The following VPS13B variants were observed in gnomAD, a reference collection of about 807,000 sequenced individuals.
The protein encoded by VPS13B is vacuolar protein sorting 13 homolog B.
A neutral mutation model predicts 426.4 loss-of-function variants in VPS13B; 285 were observed. That is an observed-to-expected ratio of 0.67 (90% confidence interval 0.61 to 0.74). The LOEUF (loss-of-function observed/expected upper bound fraction) is 0.74. Ranked by LOEUF, VPS13B falls within the 30% of genes least tolerant of loss-of-function variation. VPS13B has a pLI of 0.00. For synonymous variants in VPS13B, 1,676 were observed against 1,676.4 expected, an observed-to-expected ratio of 1.00 and a Z score of 0.01; for missense variants, 4,537 against 4,782.6, an observed-to-expected ratio of 0.95 and a Z score of 1.51.
chr8:99,626,379 A>G (rs1828613605), intron 33 of VPS13B, among the ~76,000 whole-genome samples: 1 of 152,216 alleles, frequency 6.6e-6, no homozygotes, highest in Admixed American at 6.5e-5. Flanking sequence ...TGAATTGTCT[A>G]CAATAAGCAA....
intron 40 of VPS13B, among the ~76,000 whole-genome samples, chr8:99,767,588 T>A (rs1207263031): frequency 6.7e-6 from 1 of 149,884 alleles, no homozygotes; most frequent in Non-Finnish European, 1.5e-5. Context: ...ATGGATTTTA[T>A]ACAGATAAAG....
At chr8:99,430,708 C>CCA (rs1209579217) in intron 21 of VPS13B, among the ~76,000 whole-genome samples, 2 of 151,298 alleles carry the variant, frequency 1.3e-5, no homozygotes. Context: ...ATCCACCCCC[C>CCA]CCCCAACTTT....
At chr8:99,088,959 C>T (rs1845993803) in intron 3 of VPS13B, among the ~76,000 whole-genome samples, 1 of 152,078 alleles carries the variant, frequency 6.6e-6, no homozygotes, top group Non-Finnish European at 1.5e-5. Context: ...TGATGTTTTC[C>T]TGACTACTCA....
intron 43 of VPS13B, among the ~76,000 whole-genome samples, chr8:99,788,978 T>TA (rs1375286039): frequency 3.3e-5 from 5 of 152,206 alleles, no homozygotes; most frequent in African/African-American, 1.2e-4. Context: ...AGATAATAGT[T>TA]AAAATCTAAC....
chr8:99,078,009 T>C (rs1053892641), intron 3 of VPS13B, among the ~76,000 whole-genome samples: 1 of 152,126 alleles, frequency 6.6e-6, no homozygotes, highest in African/African-American at 2.4e-5. Context: ...ATTGAGTTTT[T>C]CAGTTATGGG....
In VPS13B at chr8:99,745,989, A is replaced by G. The variant is rs1810065729; in HGVS notation, c.7051-20785A>G. On this transcript the variant is annotated intron_variant, in intron 39 of 61. Coordinates refer to ENST00000357162, the MANE Select transcript of VPS13B (RefSeq NM_152564.5). ...ATAAGGATCCCGCTGAGGTCCACAC[A>G]TTATATTAGTTGATATGTTTCTTAA... Among the ~76,000 whole-genome samples the G allele has an allele frequency of 2.0e-5, 3 of 152,092 alleles. No individual in the cohort carries two copies. The South Asian group carries it at 6.2e-4, about 32-fold the overall frequency.
At chr8:99,501,015 C>T (rs914176393) in intron 25 of VPS13B, among the ~76,000 whole-genome samples, 2 of 152,152 alleles carry the variant, frequency 1.3e-5, no homozygotes, top group Non-Finnish European at 2.9e-5. Flanking sequence ...TAAGCTTATG[C>T]TCTATTCCAC....
chr8:99,633,069 T>C (rs928867480), intron 33 of VPS13B, among the ~76,000 whole-genome samples: 6 of 152,066 alleles, frequency 3.9e-5, no homozygotes, highest in African/African-American at 1.4e-4. Context: ...GTCATCACTT[T>C]CTCAACTTGT....
chr8:99,684,344 A>C (rs1021224943), intron 35 of VPS13B, among the ~76,000 whole-genome samples: 2 of 152,204 alleles, frequency 1.3e-5, no homozygotes, highest in African/African-American at 4.8e-5. Flanking sequence ...CTCCTCTTCT[A>C]TTTCCTGGAG....
At chr8:99,076,719 A>G (rs1451528108) in intron 3 of VPS13B, among the ~76,000 whole-genome samples, 1 of 146,868 alleles carries the variant, frequency 6.8e-6, no homozygotes, top group Non-Finnish European at 1.5e-5. Flanking sequence ...ATCTTTTTCC[A>G]TTCCTGTACT....
At chr8:99,181,657 C>A (rs1812953195) in intron 16 of VPS13B, among the ~76,000 whole-genome samples, 2 of 152,124 alleles carry the variant, frequency 1.3e-5, no homozygotes, top group Admixed American at 6.5e-5. Flanking sequence ...ATTACTATTG[C>A]ATATTTACTT....
intron 35 of VPS13B, 106 bp downstream of exon 35, chr8:99,661,597 AG>A: frequency 5.1e-6 from 7 of 1,382,010 alleles, no homozygotes; most frequent in Non-Finnish European, 7.0e-6. Context: ...AAAAATGAAT[AG>A]TTCATTTTTT....
rs572655113 is a variant in VPS13B at position 99,341,604 on chromosome 8, G to C, written c.2825-42604G>C. 6 of 184,396 alleles carry C rather than the reference G, an allele frequency of 3.3e-5. No homozygotes were observed. In the South Asian group the frequency reaches 4.6e-4, roughly 14 times the overall value. The allele number at this position is 184,396 out of a possible 1,614,324, so 11.4% of individuals were successfully genotyped here. A position where few individuals can be genotyped will look rare whatever the true frequency, so the allele number is the denominator to read the frequency against. Reference sequence around the variant, plus strand: ...TCTCAGGTGAGCTGCAGCTTTTCTTGCCAATTCATGCTGTCATCCTTGATT... The same window carrying C: ...TCTCAGGTGAGCTGCAGCTTTTCTTCCCAATTCATGCTGTCATCCTTGATT... On this transcript the variant is annotated intron_variant, in intron 19 of 61. Transcript: ENST00000357162.
At chr8:99,772,168 G>A (rs746321167) in intron 40 of VPS13B, among the ~76,000 whole-genome samples, 21 of 150,666 alleles carry the variant, frequency 1.4e-4, no homozygotes, top group Non-Finnish European at 2.1e-4. Flanking sequence ...TCTCTATGTC[G>A]TATTGCCTAC....
chr8:99,746,620 G>T (rs111442797), intron 39 of VPS13B, among the ~76,000 whole-genome samples: 1 of 152,152 alleles, frequency 6.6e-6, no homozygotes, highest in African/African-American at 2.4e-5. Flanking sequence ...AGGAAACTGC[G>T]AATAGAGAGA....
At chr8:99,729,313 GT>G (rs944439420) in intron 39 of VPS13B, among the ~76,000 whole-genome samples, 5 of 152,130 alleles carry the variant, frequency 3.3e-5, no homozygotes, top group Admixed American at 3.3e-4. Flanking sequence ...TTTTGCTGTG[GT>G]TTTTCCAGCT....
chr8:99,854,390 A>C, intron 56 of VPS13B, 134 bp downstream of exon 56: 1 of 1,034,758 alleles, frequency 9.7e-7, no homozygotes, highest in Non-Finnish European at 1.4e-6. Context: ...ACAGTTACAC[A>C]GAACTGGATC....
chr8:99,781,044 G>A (rs901022752), intron 42 of VPS13B, among the ~76,000 whole-genome samples: 11 of 152,196 alleles, frequency 7.2e-5, no homozygotes, highest in South Asian at 2.1e-4. Flanking sequence ...ACCTTTTATC[G>A]GATTCATATT....
At chr8:99,851,723 G>T (rs1816304797) in intron 55 of VPS13B, among the ~76,000 whole-genome samples, 1 of 152,080 alleles carries the variant, frequency 6.6e-6, no homozygotes, top group Non-Finnish European at 1.5e-5. Flanking sequence ...GGGGGTGGAA[G>T]TGGAAGTAGC....
Sources: allele counts gnomAD v4.1 joint callset (sites outside exome capture counted in the v4.1 genomes callset), GRCh38; gene constraint gnomAD v4.1.1; transcripts MANE v1.5; gene names NCBI Gene and HGNC (gene_info 2026-07-23, HGNC 2026-07-21).